Variants in TNS3 observed in about 807,000 individuals in gnomAD.
TNS3 encodes tensin 3, also known as tensin-3.
In TNS3, 45 loss-of-function variants were observed where a neutral mutation model predicts 140.9. The observed-to-expected ratio is 0.32, with a 90% CI of 0.25 to 0.41. The LOEUF (loss-of-function observed/expected upper bound fraction) is 0.41. Ranked by LOEUF, TNS3 falls within the 10% of genes least tolerant of loss-of-function variation. The pLI is 1.00. For missense variants in TNS3, 1,716 were observed against 1,906.7 expected, an observed-to-expected ratio of 0.90 and a Z score of 1.86; for synonymous variants, 815 against 788.4, an observed-to-expected ratio of 1.03 and a Z score of -0.56.
chr7:47,317,887 GA>G (rs1472869069), intron 20 of TNS3, among the ~76,000 whole-genome samples: 1 of 152,156 alleles, frequency 6.6e-6, no homozygotes, highest in Non-Finnish European at 1.5e-5. Context: ...AGCCAAATCT[GA>G]GGCCACAGCC....
Position 47,443,813 on chromosome 7 carries a change from C to T in TNS3, c.-75-1758G>A, listed in dbSNP as rs184178434. On this transcript the variant is annotated intron_variant, in intron 4 of 30. Transcript: ENST00000311160. ...GCGCACACCTGTAATCCTAGCTACTCGGGAGGCTGAGGCACAAGAATCACT... is the reference window on the plus strand; with the variant it reads ...GCGCACACCTGTAATCCTAGCTACTTGGGAGGCTGAGGCACAAGAATCACT... Among the ~76,000 whole-genome samples the T allele has an allele frequency of 6.8e-4, 103 of 152,176 alleles. 1 individual carries two copies. In the East Asian group the frequency reaches 0.019, roughly 27 times the overall value.
intron 1 of TNS3, among the ~76,000 whole-genome samples, chr7:47,561,269 G>T (rs758585704): frequency 2.5e-4 from 38 of 152,064 alleles, no homozygotes; most frequent in Admixed American, 1.3e-4. Flanking sequence ...ATTCTTAGGG[G>T]CCTGAATCTT....
At chr7:47,529,374 A>C (rs1215120427) in intron 1 of TNS3, among the ~76,000 whole-genome samples, 1 of 152,146 alleles carries the variant, frequency 6.6e-6, no homozygotes, top group Non-Finnish European at 1.5e-5. Context: ...ACGGACGTTC[A>C]CTCTCACCCA....
intron 13 of TNS3, among the ~76,000 whole-genome samples, chr7:47,408,615 G>A (rs183097110): frequency 1.3e-5 from 2 of 152,308 alleles, no homozygotes; most frequent in East Asian, 1.9e-4. Flanking sequence ...TGTCCTGGGA[G>A]ACTTATGTGA....
intron 2 of TNS3, among the ~76,000 whole-genome samples, chr7:47,527,117 G>A (rs1799223501): frequency 6.6e-6 from 1 of 151,870 alleles, no homozygotes; most frequent in Non-Finnish European, 1.5e-5. Context: ...GGCGCCTGTA[G>A]TCCCAGCTGC....
intron 1 of TNS3, among the ~76,000 whole-genome samples, chr7:47,537,455 G>C (rs1029006110): frequency 1.3e-5 from 2 of 152,072 alleles, no homozygotes; most frequent in African/African-American, 4.8e-5. Context: ...GGAGGCACAG[G>C]CTGAGCCGCC....
chr7:47,424,029 C>G, intron 10 of TNS3, 72 bp downstream of exon 10: 1 of 1,483,194 alleles, frequency 6.7e-7, no homozygotes, highest in Non-Finnish European at 9.4e-7. Flanking sequence ...GGAGATGCCT[C>G]TTCTGTTTTC....
At chr7:47,489,806 A>C (rs1797744452) in intron 3 of TNS3, among the ~76,000 whole-genome samples, 1 of 152,214 alleles carries the variant, frequency 6.6e-6, no homozygotes, top group African/African-American at 2.4e-5. Flanking sequence ...AGCAAAGGGC[A>C]CAGCACAGGA....
Position 47,303,614 on chromosome 7 carries a change from C to G in TNS3, c.2823-30G>C. 1.9e-6 allele frequency: 3 copies of G among 1,553,132 alleles called. No homozygotes were observed. In the South Asian group the frequency reaches 3.5e-5, roughly 18 times the overall value. ...TCAAAAGACAAGCCGACCAAGACAG[C>G]ATGTAAGGTACAAAGAGACACCTGA... On this transcript the variant is annotated intron_variant, in intron 21 of 30. Coordinates refer to ENST00000311160, the MANE Select transcript of TNS3 (RefSeq NM_022748.12).
At chr7:47,315,568 C>T (rs1388438868) in intron 20 of TNS3, among the ~76,000 whole-genome samples, 1 of 152,204 alleles carries the variant, frequency 6.6e-6, no homozygotes, top group African/African-American at 2.4e-5. Context: ...CATTCTCCAA[C>T]GGCCACTATT....
chr7:47,379,022 G>A (rs753972629), intron 16 of TNS3, among the ~76,000 whole-genome samples: 8 of 152,328 alleles, frequency 5.3e-5, no homozygotes, highest in African/African-American at 1.9e-4. Context: ...AGGCTCCGGC[G>A]CATGGAAGAG....
chr7:47,328,627 C>T (rs948477647), intron 20 of TNS3, among the ~76,000 whole-genome samples: 1 of 152,286 alleles, frequency 6.6e-6, no homozygotes, highest in African/African-American at 2.4e-5. Flanking sequence ...CAGTCCTCTG[C>T]CCCCCACCCC....
At chr7:47,397,029 AC>A in intron 15 of TNS3, 125 bp from the exon 16 acceptor site, 1 of 678,552 alleles carries the variant, frequency 1.5e-6, no homozygotes, top group Non-Finnish European at 2.6e-6. Flanking sequence ...TCCATCCTCC[AC>A]CCTCCTGCCA....
intron 1 of TNS3, among the ~76,000 whole-genome samples, chr7:47,574,515 A>T (rs577013385): frequency 1.4e-4 from 22 of 152,182 alleles, no homozygotes; most frequent in Admixed American, 3.3e-4. Flanking sequence ...AATGGAAAGC[A>T]GGGACTTATA....
intron 1 of TNS3, among the ~76,000 whole-genome samples, chr7:47,545,212 T>C (rs1297704328): frequency 6.9e-6 from 1 of 145,360 alleles, no homozygotes; most frequent in Non-Finnish European, 1.5e-5. Flanking sequence ...CAATCTCGGC[T>C]CACTGCAACG....
chr7:47,435,434 T>C (rs374235080), intron 7 of TNS3, 30 bp from the exon 8 acceptor site: 180 of 1,610,174 alleles, frequency 1.1e-4, no homozygotes, highest in Non-Finnish European at 1.4e-4. Flanking sequence ...CTTCCTCGGT[T>C]TCCATTTCCT....
chr7:47,313,885 T>TG (rs1452724861), intron 20 of TNS3, among the ~76,000 whole-genome samples: 1 of 152,232 alleles, frequency 6.6e-6, no homozygotes, highest in African/African-American at 2.4e-5. Flanking sequence ...GCACCAACTC[T>TG]GGGGCACTCT....
At chr7:47,354,102 G>A (rs976311174) in intron 17 of TNS3, among the ~76,000 whole-genome samples, 1 of 151,602 alleles carries the variant, frequency 6.6e-6, no homozygotes, top group African/African-American at 2.4e-5. Context: ...ATGAAATCAT[G>A]AATTGAATAA....
rs1469652464 is a variant in TNS3 at position 47,424,144 on chromosome 7, A to G, written c.430T>C (p.Tyr144His). The G allele has an allele frequency of 1.2e-6, 2 of 1,614,212 alleles. No individual in the cohort carries two copies. Among genetic ancestry groups the G allele is most frequent in the Non-Finnish European group, 1.7e-6 (2 of 1,180,042 alleles). ...ALDRFAMKKF[Y>H]DDKVSALMQP... ...ATTAAAGCTGAAACTTTGTCATCAT[A>G]AAACTTCTTCATTGCAAACCTGTCA... Residue 144 changes from tyrosine to histidine, a missense_variant, in exon 10 of 31, where the codon TAT (tyrosine) becomes CAT (histidine). Coordinates refer to ENST00000311160, the MANE Select transcript of TNS3 (RefSeq NM_022748.12).
Sources: allele counts gnomAD v4.1 joint callset (sites outside exome capture counted in the v4.1 genomes callset), GRCh38; gene constraint gnomAD v4.1.1; transcripts MANE v1.5; gene names NCBI Gene and HGNC (gene_info 2026-07-23, HGNC 2026-07-21).